Variants in DNAH6 observed in about 807,000 individuals in gnomAD.
DNAH6 encodes the protein axonemal beta dynein heavy chain 6.
A neutral mutation model predicts 491.4 loss-of-function variants in DNAH6; 340 were observed. The ratio of observed to expected loss-of-function variants is 0.69; its 90% confidence interval spans 0.63 to 0.76. The LOEUF (loss-of-function observed/expected upper bound fraction) is 0.76, where lower values mean the gene tolerates loss of function less well. Ranked by LOEUF, DNAH6 falls within the 30% of genes least tolerant of loss-of-function variation. DNAH6 has a pLI of 0.00. For missense variants in DNAH6, 4,443 were observed against 4,972.2 expected, an observed-to-expected ratio of 0.89 and a Z score of 3.20; for synonymous variants, 1,603 against 1,686.1, an observed-to-expected ratio of 0.95 and a Z score of 1.21.
chr2:84,709,549 G>A lies in DNAH6; in HGVS notation c.9252+3G>A, dbSNP rs188998979. 1.3e-6 allele frequency: 2 copies of A among 1,551,578 alleles called. No individual in the cohort carries two copies. Among genetic ancestry groups the A allele is most frequent in the East Asian group, 2.4e-5 (1 of 40,916 alleles). Reference sequence around the variant, plus strand: ...TGATGATTGATCCCCAAGATCAGGTGTGTAGCAAATGCTTAAGAGAGTGGC... The same window carrying A: ...TGATGATTGATCCCCAAGATCAGGTATGTAGCAAATGCTTAAGAGAGTGGC... On this transcript the variant is annotated splice_donor_region_variant and intron_variant, in intron 55 of 76. Transcript: ENST00000389394.
chr2:84,563,341 C>A (rs1680857623), intron 11 of DNAH6, among the ~76,000 whole-genome samples: 1 of 152,136 alleles, frequency 6.6e-6, no homozygotes, highest in South Asian at 2.1e-4. Flanking sequence ...AATTTACATT[C>A]CCACTAATTG....
chr2:84,709,439 C>T lies in DNAH6; in HGVS notation c.9145C>T (p.Arg3049Trp), dbSNP rs960396728. The T allele has an allele frequency of 1.0e-5, 16 of 1,551,548 alleles. No homozygotes were observed. The highest frequency in any genetic ancestry group is 4.9e-5 in the East Asian group (2 of 40,928). ...CATTCTTGGAGATCCCTACGAGATA[C>T]GGCAGTGGAACACTGATGGGCTGCC... ...INILGDPYEIRQWNTDGLPRD... is the reference protein window; with the variant it reads ...INILGDPYEIWQWNTDGLPRD... Residue 3049 changes from arginine (R) to tryptophan (W), a missense_variant, in exon 55 of 77, where the codon CGG (arginine) becomes TGG (tryptophan). Coordinates refer to ENST00000389394, the MANE Select transcript of DNAH6 (RefSeq NM_001370.2).
chr2:84,503,541 T>G, the DNAH6 span, among the ~76,000 whole-genome samples: 3 of 152,166 alleles, frequency 2.0e-5, no homozygotes, highest in South Asian at 2.1e-4. Flanking sequence ...CTTTTCTGAC[T>G]GAAGTATTCC....
chr2:84,783,293 G>A (rs1040258131), intron 65 of DNAH6, among the ~76,000 whole-genome samples: 3 of 152,134 alleles, frequency 2.0e-5, no homozygotes, highest in African/African-American at 7.2e-5. Flanking sequence ...GAAAAGTCCT[G>A]TACTAAGATG....
At chr2:84,627,164 G>A (rs1396934527) in intron 29 of DNAH6, among the ~76,000 whole-genome samples, 1 of 152,180 alleles carries the variant, frequency 6.6e-6, no homozygotes, top group Non-Finnish European at 1.5e-5. Context: ...TACTTAATCA[G>A]AACTTTGGAG....
the DNAH6 span, among the ~76,000 whole-genome samples, chr2:84,495,329 A>G: frequency 1.3e-5 from 2 of 152,030 alleles, no homozygotes; most frequent in African/African-American, 4.8e-5. Flanking sequence ...TGCCCTGCTA[A>G]TTTTTGTATT....
intron 63 of DNAH6, among the ~76,000 whole-genome samples, chr2:84,761,341 A>G (rs1369852019): frequency 3.3e-5 from 5 of 151,160 alleles, no homozygotes; most frequent in Non-Finnish European, 7.4e-5. Flanking sequence ...TGGGAAGGGG[A>G]TGGAGGATAA....
intron 2 of DNAH6, among the ~76,000 whole-genome samples, chr2:84,524,642 A>G (rs768815270): frequency 6.6e-6 from 1 of 151,980 alleles, no homozygotes; most frequent in Non-Finnish European, 1.5e-5. Flanking sequence ...TGGTAATGAA[A>G]TCCCTCAACA....
rs114850401 is a variant in DNAH6, at chr2:84,819,402, C to T, written c.12471C>T (p.Ser4157=). The change falls in exon 77 of 77, where the codon AGC becomes AGT. Residue 4157 remains serine, a synonymous_variant. Transcript: ENST00000389394. ...AKGSALLCQL[S]E ...GATCAGCTTTGCTCTGCCAGCTGAGCGAATGAAAAGGTGCCACCTCAGCCC... is the reference window on the plus strand; with the variant it reads ...GATCAGCTTTGCTCTGCCAGCTGAGTGAATGAAAAGGTGCCACCTCAGCCC... 1,489 of 1,549,074 alleles carry T rather than the reference C, an allele frequency of 9.6e-4. 18 individuals are homozygous for T. In the African/African-American group the frequency reaches 0.018, roughly 19 times the overall value.
chr2:84,556,896 G>A (rs1202921299), intron 10 of DNAH6, among the ~76,000 whole-genome samples: 1 of 152,088 alleles, frequency 6.6e-6, no homozygotes, highest in Non-Finnish European at 1.5e-5. Flanking sequence ...CATTTTGTAA[G>A]GATATGTAAT....
intron 11 of DNAH6, among the ~76,000 whole-genome samples, chr2:84,571,770 A>T (rs1000702761): frequency 6.6e-6 from 1 of 151,502 alleles, no homozygotes; most frequent in African/African-American, 2.4e-5. Flanking sequence ...AAAAAAAAAA[A>T]AAAATTAGCG....
the DNAH6 span, among the ~76,000 whole-genome samples, chr2:84,460,988 G>A: frequency 1.3e-5 from 2 of 152,230 alleles, no homozygotes; most frequent in East Asian, 1.9e-4. Flanking sequence ...TTTTATTGGA[G>A]GTCCGAAGAA....
chr2:84,579,415 C>T (rs1391281207), intron 13 of DNAH6, 112 bp from the exon 14 acceptor site: 2 of 1,187,208 alleles, frequency 1.7e-6, no homozygotes, highest in Middle Eastern at 2.6e-4. Context: ...TTCGTATTCA[C>T]TGCTGCTTCC....
chr2:84,770,510 G>A (rs1170302626), intron 64 of DNAH6, among the ~76,000 whole-genome samples: 1 of 152,020 alleles, frequency 6.6e-6, no homozygotes, highest in Non-Finnish European at 1.5e-5. Flanking sequence ...GAATATCAAT[G>A]AGATAGAATT....
intron 52 of DNAH6, 108 bp from the exon 53 acceptor site, chr2:84,706,788 G>T: frequency 2.3e-6 from 3 of 1,286,124 alleles, no homozygotes; most frequent in Non-Finnish European, 3.1e-6. Context: ...AGTCTTTTTG[G>T]ACATGAAAAG....
chr2:84,519,665 CCTCT>C lies in DNAH6; in HGVS notation c.225+1621_225+1624del, dbSNP rs544819527. On this transcript the variant is annotated intron_variant, in intron 2 of 76. Transcript: ENST00000389394. ...TCCTCTTCCTTCTTCTTTTCTTCCTCCTCTCTCTCTTCCCTTACCCCTCCTTCTC... is the reference window on the plus strand; with the variant it reads ...TCCTCTTCCTTCTTCTTTTCTTCCTCCTCTCTTCCCTTACCCCTCCTTCTC... Among the ~76,000 whole-genome samples, 14 of 149,624 alleles carry C rather than the reference CCTCT, an allele frequency of 9.4e-5. No individual in the cohort carries two copies. In the South Asian group the frequency reaches 3.0e-3, roughly 33 times the overall value.
At position 84,705,624 on chromosome 2, in the gene DNAH6, T is replaced by C. The variant is rs765748639; in HGVS notation, c.8604T>C (p.Pro2868=). The C allele has an allele frequency of 1.3e-6, 2 of 1,551,618 alleles. No homozygotes were observed. Among genetic ancestry groups the C allele is most frequent in the Non-Finnish European group, 1.7e-6 (2 of 1,146,966 alleles). ...ATATTAATAATCCTGATTTTGTGCC[T>C]GAAAAAGTGGAGAAAGTGTCCAAAG... ...QKYINNPDFV[P]EKVEKVSKAC... The change falls in exon 52 of 77, where the codon CCT becomes CCC. Residue 2868 remains proline, a synonymous_variant. Coordinates refer to ENST00000389394, the MANE Select transcript of DNAH6 (RefSeq NM_001370.2).
At chr2:84,668,098 G>T (rs974617020) in intron 37 of DNAH6, among the ~76,000 whole-genome samples, 2 of 152,200 alleles carry the variant, frequency 1.3e-5, no homozygotes, top group Non-Finnish European at 2.9e-5. Context: ...CGTGGGGCGG[G>T]GGGAGGTGGG....
intron 29 of DNAH6, among the ~76,000 whole-genome samples, chr2:84,633,678 A>G (rs1325138780): frequency 6.7e-6 from 1 of 148,854 alleles, no homozygotes; most frequent in Non-Finnish European, 1.5e-5. Flanking sequence ...CTGTTTCCCT[A>G]TGCTTTCCAT....
Sources: gnomAD v4.1 joint callset for allele counts (sites outside exome capture counted in the v4.1 genomes callset) on GRCh38, gnomAD v4.1.1 for gene constraint, MANE v1.5 for transcripts, NCBI Gene and HGNC (gene_info 2026-07-23, HGNC 2026-07-21) for gene names.